The following PCDHGB2 variants were observed in gnomAD, a reference collection of about 807,000 sequenced individuals.
PCDHGB2 encodes protocadherin gamma-B2.
Under a neutral mutation model 59.3 loss-of-function variants are expected in PCDHGB2, and 55 were observed. That is an observed-to-expected ratio of 0.93 (90% CI 0.75 to 1.16). PCDHGB2 has a LOEUF of 1.16. Ranked by LOEUF, PCDHGB2 falls within the 50% of genes most tolerant of loss-of-function variation. The pLI is 0.00. For synonymous variants in PCDHGB2, 516 were observed against 512.0 expected (o/e 1.01, Z -0.11); for missense variants, 1,228 against 1,198.5 (o/e 1.02, Z -0.36).
chr5:141,381,826 C>CTTTTTTTTTTTTTTTTTT (rs770630741), intron 1 of PCDHGB2, among the ~76,000 whole-genome samples: 6 of 74,288 alleles, frequency 8.1e-5, no homozygotes, highest in East Asian at 3.6e-4. Flanking sequence ...CTTTCTTCTT[C>CTTTTTTTTTTTTTTTTTT]TTTTTTTTTT....
At position 141,431,034 on chromosome 5, in the gene PCDHGB2, G is replaced by C. The variant is rs372312860; in HGVS notation, c.2422-63773G>C. 2.5e-6 allele frequency: 4 copies of C among 1,613,992 alleles called. No homozygotes were observed. The highest frequency in any genetic ancestry group is 2.7e-5 in the African/African-American group (2 of 74,938). On this transcript the variant is annotated intron_variant, in intron 1 of 3. Coordinates refer to ENST00000522605, the MANE Select transcript of PCDHGB2 (RefSeq NM_018923.3). The surrounding 1 kb of genome is among the most constrained non-coding windows in gnomAD (Gnocchi z 4.8). ...TTGGTCACGGCGGGCAGGATAGACC[G>C]GGAGGAGCTCTGTATGGGGGCCATC...
chr5:141,374,444 G>A (rs1371044841), intron 1 of PCDHGB2: 1 of 1,613,848 alleles, frequency 6.2e-7, no homozygotes, highest in Non-Finnish European at 8.5e-7. Flanking sequence ...TCCCGTGGAA[G>A]TGGAAATAGT....
At chr5:141,411,783 G>C (rs1191623081) in intron 1 of PCDHGB2, 1 of 152,338 alleles carries the variant, frequency 6.6e-6, no homozygotes, top group Non-Finnish European at 1.5e-5. Context: ...TCTGGTGGCT[G>C]TGGTGGGAGA....
intron 1 of PCDHGB2, chr5:141,394,701 C>A (rs375281416): frequency 5.0e-6 from 8 of 1,613,162 alleles, no homozygotes; most frequent in Non-Finnish European, 6.8e-6. Flanking sequence ...GCGCACGGCG[C>A]GAGCCCTGCT....
chr5:141,478,292 C>T, intron 1 of PCDHGB2: 1 of 1,614,146 alleles, frequency 6.2e-7, no homozygotes, highest in Non-Finnish European at 8.5e-7. Flanking sequence ...GTCTAGAGAC[C>T]TATACCGAGC....
At chr5:141,394,430 C>G in intron 1 of PCDHGB2, 2 of 1,614,244 alleles carry the variant, frequency 1.2e-6, no homozygotes, top group Non-Finnish European at 1.7e-6. Flanking sequence ...ACAGCGGGGA[C>G]CCGCCCCTCA....
At position 141,410,475 on chromosome 5, in the gene PCDHGB2, A is replaced by G. The variant is rs185995562; in HGVS notation, c.2421+47919A>G. ...TATTCTTATAATCTGTGCATTGCAC[A>G]TACGGGTACAAAAGAGTTTAATTTC... is the stretch of plus-strand genomic sequence containing the variant. On this transcript the variant is annotated intron_variant, in intron 1 of 3. Transcript: ENST00000522605. The G allele has an allele frequency of 3.7e-6, 6 of 1,614,052 alleles. No homozygotes were observed. In the South Asian group the frequency reaches 6.6e-5, roughly 18 times the overall value.
At chr5:141,389,039 A>C in intron 1 of PCDHGB2, 1 of 1,613,988 alleles carries the variant, frequency 6.2e-7, no homozygotes, top group Non-Finnish European at 8.5e-7. Context: ...GTAAATTGGA[A>C]GGTGATGTTC....
intron 1 of PCDHGB2, chr5:141,399,640 G>A: frequency 6.2e-7 from 1 of 1,613,836 alleles, no homozygotes; most frequent in Non-Finnish European, 8.5e-7. Flanking sequence ...GTCCATGAGC[G>A]CGCAAAGTGG....
At chr5:141,447,988 A>C (rs1234413003) in intron 1 of PCDHGB2, among the ~76,000 whole-genome samples, 1 of 152,018 alleles carries the variant, frequency 6.6e-6, no homozygotes, top group Non-Finnish European at 1.5e-5. Flanking sequence ...CGGGAGGCTG[A>C]GGCATGAGAA....
intron 1 of PCDHGB2, among the ~76,000 whole-genome samples, chr5:141,369,377 G>T (rs1257760111): frequency 6.6e-6 from 1 of 152,152 alleles, no homozygotes; most frequent in Non-Finnish European, 1.5e-5. Flanking sequence ...CTTTGTAAAA[G>T]TTTTTCATTT....
At chr5:141,505,085 C>A (rs954289918) in intron 2 of PCDHGB2, among the ~76,000 whole-genome samples, 1 of 152,162 alleles carries the variant, frequency 6.6e-6, no homozygotes, top group Non-Finnish European at 1.5e-5. Context: ...TCGCTTGAAC[C>A]CAGGAGGTGG....
chr5:141,432,964 G>A lies in PCDHGB2; in HGVS notation c.2422-61843G>A, dbSNP rs2097554835. On this transcript the variant is annotated intron_variant, in intron 1 of 3. Transcript: ENST00000522605. This position sits in a 1 kb window ranked among gnomAD's most constrained non-coding sequence, Gnocchi z 6.0. Reference sequence around the variant, plus strand: ...CTTCAGGAGGCGGCTTGACAGGAGCGCCGGCGTCGCACTTTGTGGGCGTGG... The same window carrying A: ...CTTCAGGAGGCGGCTTGACAGGAGCACCGGCGTCGCACTTTGTGGGCGTGG... The A allele has an allele frequency of 6.2e-7, 1 of 1,614,044 alleles. No homozygotes were observed. Among genetic ancestry groups the A allele is most frequent in the African/African-American group, 1.3e-5 (1 of 74,934 alleles).
intron 1 of PCDHGB2, among the ~76,000 whole-genome samples, chr5:141,402,590 A>G (rs1379327637): frequency 6.6e-6 from 1 of 152,238 alleles, no homozygotes; most frequent in Admixed American, 6.5e-5. Flanking sequence ...TAAAAAATAG[A>G]TTGCTTTTGA....
chr5:141,413,194 C>T lies in PCDHGB2; in HGVS notation c.2421+50638C>T, dbSNP rs749749411. ...GACTACAATGGCCGCTCAAAGGAAT[C>T]GCTCAAAGGAATCAAAGGATTGCAG... On this transcript the variant is annotated intron_variant, in intron 1 of 3. Coordinates refer to ENST00000522605, the MANE Select transcript of PCDHGB2 (RefSeq NM_018923.3). 5.3e-5 allele frequency: 85 copies of T among 1,607,784 alleles called. No individual in the cohort carries two copies. Among genetic ancestry groups the T allele is most frequent in the Non-Finnish European group, 7.0e-5 (82 of 1,176,492 alleles).
chr5:141,423,058 A>T (rs1235938743), intron 1 of PCDHGB2: 1 of 1,614,022 alleles, frequency 6.2e-7, no homozygotes, highest in Non-Finnish European at 8.5e-7. Context: ...TCGCCTGCTT[A>T]AGGCCAGCGA....
intron 1 of PCDHGB2, among the ~76,000 whole-genome samples, chr5:141,472,119 A>C (rs1015212535): frequency 6.6e-6 from 1 of 152,240 alleles, no homozygotes; most frequent in African/African-American, 2.4e-5. Context: ...AAAGAAAATA[A>C]AAGAGAAGTT....
intron 1 of PCDHGB2, chr5:141,371,355 G>A (rs369960328): frequency 1.2e-6 from 2 of 1,613,974 alleles, no homozygotes; most frequent in Non-Finnish European, 8.5e-7. Context: ...TGGGGTGGAA[G>A]CAAAGGATGG....
Position 141,379,889 on chromosome 5 carries a change from C to CTTTTTTTTTTTTTTTTTTT in PCDHGB2, c.2421+17345_2421+17363dup, listed in dbSNP as rs70988800. ...CTTATTTTATGGTCTGTGAAAGCCT[C>CTTTTTTTTTTTTTTTTTTT]TTTTTTTTTTTTTTTTTTTTTTTTT... On this transcript the variant is annotated intron_variant, in intron 1 of 3. Transcript: ENST00000522605. Among the ~76,000 whole-genome samples, 178 of 50,830 alleles carry CTTTTTTTTTTTTTTTTTTT rather than the reference C, an allele frequency of 3.5e-3. 28 individuals are homozygous for CTTTTTTTTTTTTTTTTTTT. Among genetic ancestry groups the CTTTTTTTTTTTTTTTTTTT allele is most frequent in the Non-Finnish European group, 5.0e-3 (129 of 25,880 alleles). The allele number at this position is 50,830 out of a possible 152,430, so 33.3% of individuals were successfully genotyped here.
Sources: allele counts gnomAD v4.1 joint callset (sites outside exome capture counted in the v4.1 genomes callset), GRCh38; gene constraint gnomAD v4.1.1; non-coding constraint Gnocchi (gnomAD v3.1); transcripts MANE v1.5; gene names NCBI Gene and HGNC (gene_info 2026-07-23, HGNC 2026-07-21).